Variants in CLNK observed in about 807,000 individuals in gnomAD.
CLNK encodes cytokine dependent hematopoietic cell linker, also known as cytokine-dependent hematopoietic cell linker.
CLNK carries 74 observed loss-of-function variants against 68.6 expected under a neutral mutation model. That is an observed-to-expected ratio of 1.08 (90% confidence interval 0.89 to 1.31). The LOEUF is 1.31. Ranked by LOEUF, CLNK falls within the 50% of genes most tolerant of loss-of-function variation. The pLI, the probability that CLNK is intolerant of heterozygous loss-of-function variation, is 0.00. For missense variants in CLNK, 553 were observed against 515.3 expected (o/e 1.07, Z -0.71); for synonymous variants, 198 against 172.2 (o/e 1.15, Z -1.17).
chr4:10,566,282 G>T, intron 5 of CLNK, 132 bp from the exon 6 acceptor site: 2 of 847,588 alleles, frequency 2.4e-6, no homozygotes, highest in Admixed American at 2.4e-5. Context: ...CTAGGGTCTG[G>T]GATCTTAAAT....
chr4:10,504,222 G>A (rs537756424), intron 17 of CLNK, among the ~76,000 whole-genome samples: 75 of 140,668 alleles, frequency 5.3e-4, no homozygotes, highest in Non-Finnish European at 8.7e-4. Context: ...CTGGGTTCAC[G>A]CCGTTCTCCT....
chr4:10,537,304 C>G (rs1718796895), intron 11 of CLNK, among the ~76,000 whole-genome samples: 1 of 152,092 alleles, frequency 6.6e-6, no homozygotes, highest in South Asian at 2.1e-4. Context: ...ATGGTAAAAC[C>G]TCATCTCTAC....
chr4:10,599,351 A>C (rs1009255111), intron 2 of CLNK, among the ~76,000 whole-genome samples: 1 of 152,194 alleles, frequency 6.6e-6, no homozygotes, highest in African/African-American at 2.4e-5. Context: ...ATAAATTTAA[A>C]AATCTGCGAG....
chr4:10,563,471 C>G (rs1293226146), intron 7 of CLNK, among the ~76,000 whole-genome samples: 1 of 152,106 alleles, frequency 6.6e-6, no homozygotes, highest in Non-Finnish European at 1.5e-5. Context: ...GTGGGTTATG[C>G]TTTGTCTACA....
chr4:10,490,642 T>A, intron 18 of CLNK, 29 bp from the exon 19 acceptor site: 2 of 1,539,310 alleles, frequency 1.3e-6, no homozygotes, highest in Non-Finnish European at 1.8e-6. Context: ...AGTTAATGAC[T>A]TTTAAAATAT....
chr4:10,577,864 T>G (rs1720627396), intron 4 of CLNK, among the ~76,000 whole-genome samples: 1 of 152,164 alleles, frequency 6.6e-6, no homozygotes, highest in South Asian at 2.1e-4. Context: ...TATCTCCTTA[T>G]GGAGGTTAGT....
chr4:10,546,104 T>C (rs1719220635), intron 8 of CLNK, among the ~76,000 whole-genome samples: 1 of 152,188 alleles, frequency 6.6e-6, no homozygotes, highest in African/African-American at 2.4e-5. Context: ...TCTTGAGGGA[T>C]AGCATCTAGC....
intron 1 of CLNK, among the ~76,000 whole-genome samples, chr4:10,681,022 TG>T (rs957203292): frequency 6.6e-6 from 1 of 152,074 alleles, no homozygotes; most frequent in Non-Finnish European, 1.5e-5. Flanking sequence ...CAGGTAACCA[TG>T]GGGCAGACTG....
At chr4:10,643,107 C>T (rs572899980) in intron 2 of CLNK, among the ~76,000 whole-genome samples, 3 of 152,276 alleles carry the variant, frequency 2.0e-5, no homozygotes, top group South Asian at 4.1e-4. Context: ...GTGTGACCCT[C>T]GCCTTCACGT....
chr4:10,584,830 G>A (rs960082183), intron 4 of CLNK, 97 bp downstream of exon 4: 6 of 1,288,482 alleles, frequency 4.7e-6, no homozygotes, highest in Non-Finnish European at 5.5e-6. Flanking sequence ...ATAGGCCATA[G>A]TTTTATTGAA....
chr4:10,651,437 C>T (rs1723731750), intron 2 of CLNK, among the ~76,000 whole-genome samples: 1 of 152,166 alleles, frequency 6.6e-6, no homozygotes, highest in Admixed American at 6.5e-5. Flanking sequence ...TCACAGCAAA[C>T]TAACACAGTA....
intron 2 of CLNK, among the ~76,000 whole-genome samples, chr4:10,646,590 G>T (rs1187469178): frequency 6.6e-6 from 1 of 152,204 alleles, no homozygotes; most frequent in African/African-American, 2.4e-5. Flanking sequence ...GGAGAAGACA[G>T]AAGTGGGCCA....
rs1724455001 is a variant in CLNK at position 10,667,728 on chromosome 4, T to A, written c.11+131A>T. 1.2e-5 allele frequency: 8 copies of A among 685,644 alleles called. No individual in the cohort carries two copies. In the Admixed American group the frequency reaches 2.4e-4, roughly 21 times the overall value. The allele number at this position is 685,644 out of a possible 1,614,324, so 42.5% of individuals were successfully genotyped here. A position where few individuals can be genotyped will look rare whatever the true frequency, so the allele number is the denominator to read the frequency against. ...ACACCAAAGCCCACAATCTCAACCA[T>A]GGCCTCTCAGGAAATCCCTTTTCCA... On this transcript the variant is annotated intron_variant, in intron 2 of 18. Coordinates refer to ENST00000226951, the MANE Select transcript of CLNK (RefSeq NM_052964.4).
chr4:10,498,029 C>G (rs1716883388), intron 18 of CLNK, among the ~76,000 whole-genome samples: 1 of 152,088 alleles, frequency 6.6e-6, no homozygotes. Flanking sequence ...AACCCTGTCT[C>G]TATTAAAAAT....
chr4:10,612,774 C>T (rs771519942), intron 2 of CLNK, among the ~76,000 whole-genome samples: 2 of 152,140 alleles, frequency 1.3e-5, no homozygotes, highest in African/African-American at 2.4e-5. Flanking sequence ...GATAATCAAA[C>T]CCAGGAAGCC....
At chr4:10,732,932 C>G in the CLNK span, among the ~76,000 whole-genome samples, 2 of 152,112 alleles carry the variant, frequency 1.3e-5, no homozygotes, top group African/African-American at 2.4e-5. Context: ...TCCCTTTTGG[C>G]GGGAGTGAAT....
intron 15 of CLNK, among the ~76,000 whole-genome samples, chr4:10,519,554 T>A (rs550113259): frequency 2.0e-4 from 31 of 152,278 alleles, no homozygotes; most frequent in African/African-American, 7.5e-4. Flanking sequence ...ATTTTAGCCC[T>A]CTTTGGGCAC....
At position 10,587,338 on chromosome 4, in the gene CLNK, C is replaced by G. The variant is rs557645852; in HGVS notation, c.84-2383G>C. 7.9e-5 allele frequency among the ~76,000 whole-genome samples: 12 copies of G among 152,206 alleles called. No homozygotes were observed. The South Asian group carries it at 2.5e-3, about 32-fold the overall frequency. On this transcript the variant is annotated intron_variant, in intron 3 of 18. Transcript: ENST00000226951. Reference sequence around the variant, plus strand: ...GGGATCCCTTTGGAAACACTTTTTCCCTAGGTTTTGGGCCATGCTTTGAAA... The same window carrying G: ...GGGATCCCTTTGGAAACACTTTTTCGCTAGGTTTTGGGCCATGCTTTGAAA...
At chr4:10,579,304 A>G (rs770891124) in intron 4 of CLNK, among the ~76,000 whole-genome samples, 17 of 152,174 alleles carry the variant, frequency 1.1e-4, no homozygotes, top group Non-Finnish European at 2.1e-4. Flanking sequence ...CCTTTTCACC[A>G]TCTCTGAGTA....
Sources: allele counts gnomAD v4.1 joint callset (sites outside exome capture counted in the v4.1 genomes callset), GRCh38; gene constraint gnomAD v4.1.1; transcripts MANE v1.5; gene names NCBI Gene and HGNC (gene_info 2026-07-23, HGNC 2026-07-21).